The following RELCH variants were observed in gnomAD, a reference collection of about 807,000 sequenced individuals.
The protein encoded by RELCH is RAB11 binding and LisH domain, coiled-coil and HEAT repeat containing.
RELCH carries 41 observed loss-of-function variants against 150.3 expected under a neutral mutation model. That is an observed-to-expected ratio of 0.27 (90% CI 0.21 to 0.35). The LOEUF (loss-of-function observed/expected upper bound fraction) is 0.35. Ranked by LOEUF, RELCH falls within the 10% of genes least tolerant of loss-of-function variation. The pLI, the probability that RELCH is intolerant of heterozygous loss-of-function variation, is 1.00. For missense variants in RELCH, 1,092 were observed against 1,467.8 expected, an observed-to-expected ratio of 0.74 and a Z score of 4.18; for synonymous variants, 478 against 531.8, an observed-to-expected ratio of 0.90 and a Z score of 1.39.
At position 62,290,403 on chromosome 18, in the gene RELCH, C is replaced by T. The variant is rs527558071; in HGVS notation, c.3371-1140C>T. Among the ~76,000 whole-genome samples, 17 of 152,296 alleles carry T rather than the reference C, an allele frequency of 1.1e-4. No individual in the cohort carries two copies. In the South Asian group the frequency reaches 2.9e-3, roughly 26 times the overall value. ...AAAATTAGCTGGATGTGGTGCCGTG[C>T]ACCTGTAATCCCAGCTACTTGGGAG... On this transcript the variant is annotated intron_variant, in intron 26 of 28. Coordinates refer to ENST00000644646, the MANE Select transcript of RELCH (RefSeq NM_001346231.2).
chr18:62,275,536 A>G (rs761586525), intron 22 of RELCH, 63 bp downstream of exon 22: 1 of 1,024,840 alleles, frequency 9.8e-7, no homozygotes, highest in Admixed American at 1.9e-5. Context: ...TGCGAAGAAG[A>G]AGGGAATTTT....
At chr18:62,280,284 A>C in intron 23 of RELCH, 2 of 1,201,528 alleles carry the variant, frequency 1.7e-6, no homozygotes, top group Non-Finnish European at 2.5e-6. Flanking sequence ...CTGCCTGCCC[A>C]TCCTCAGTCA....
chr18:62,282,692 C>G lies in RELCH; in HGVS notation c.3253+248C>G, dbSNP rs540587913. On this transcript the variant is annotated intron_variant, in intron 25 of 28. Transcript: ENST00000644646. ...TTTTGTTTTGAGACAGAGTCTCGCT[C>G]TGTCACCCAAGCTGGAGTGCAATGG... 3.9e-5 allele frequency among the ~76,000 whole-genome samples: 6 copies of G among 152,296 alleles called. No individual in the cohort carries two copies. The East Asian group carries it at 9.7e-4, about 25-fold the overall frequency.
chr18:62,201,614 T>C (rs1198340716), intron 1 of RELCH, among the ~76,000 whole-genome samples: 2 of 152,086 alleles, frequency 1.3e-5, no homozygotes, highest in African/African-American at 4.8e-5. Flanking sequence ...AAGAGAAATA[T>C]GTAGTGAAAA....
At position 62,227,309 on chromosome 18, in the gene RELCH, T is replaced by G. The variant is rs1441679557; in HGVS notation, c.879T>G (p.Asp293Glu). The G allele has an allele frequency of 6.2e-7, 1 of 1,603,084 alleles. No homozygotes were observed. Among genetic ancestry groups the G allele is most frequent in the Non-Finnish European group, 8.5e-7 (1 of 1,170,980 alleles). ...NDDQDFELWD[D>E]VGLNIPKPPD... is the part of the protein sequence containing the mutation. ...TTTAGGATTTTGAATTATGGGATGA[T>G]GTAGGATTAAACATTCCAAAACCTC... is the stretch of plus-strand genomic sequence containing the variant. Residue 293 changes from aspartate to glutamate, a missense_variant, in exon 6 of 29, where the codon GAT (aspartate) becomes GAG (glutamate). This residue lies in a region of RELCH where 190 missense variants were observed against 276.2 expected (regional missense o/e 0.69). Coordinates refer to ENST00000644646, the MANE Select transcript of RELCH (RefSeq NM_001346231.2).
At chr18:62,240,071 G>A (rs1037859060) in intron 10 of RELCH, among the ~76,000 whole-genome samples, 1 of 151,692 alleles carries the variant, frequency 6.6e-6, no homozygotes, top group East Asian at 1.9e-4. Context: ...GTAAAATAAT[G>A]TCACATTATA....
At chr18:62,193,959 T>C (rs547852420) in intron 1 of RELCH, among the ~76,000 whole-genome samples, 1 of 152,238 alleles carries the variant, frequency 6.6e-6, no homozygotes, top group South Asian at 2.1e-4. Context: ...TAATGATGTG[T>C]CTCAGACCAG....
At chr18:62,257,662 G>A (rs1439980956) in intron 13 of RELCH, among the ~76,000 whole-genome samples, 1 of 151,968 alleles carries the variant, frequency 6.6e-6, no homozygotes, top group African/African-American at 2.4e-5. Flanking sequence ...TAAAAAACAT[G>A]CTGAGAGATG....
chr18:62,292,070 T>C (rs948401472), intron 27 of RELCH, among the ~76,000 whole-genome samples: 12 of 152,188 alleles, frequency 7.9e-5, no homozygotes, highest in African/African-American at 2.9e-4. Flanking sequence ...CTTCAACCTA[T>C]TTTTCCATCA....
At chr18:62,250,246 T>C (rs66653808) in intron 11 of RELCH, among the ~76,000 whole-genome samples, 40,648 of 152,108 alleles carry the variant, frequency 0.27, 5,937 homozygotes, top group Middle Eastern at 0.46. Flanking sequence ...AGGGGCCTAA[T>C]GTTTTTTCCT....
intron 28 of RELCH, among the ~76,000 whole-genome samples, chr18:62,303,263 T>C (rs1443420205): frequency 6.6e-6 from 1 of 152,144 alleles, no homozygotes; most frequent in African/African-American, 2.4e-5. Context: ...GGGATCTGCA[T>C]TTTCAGAAGT....
At chr18:62,246,559 G>T (rs1455668070) in intron 11 of RELCH, 1 of 152,156 alleles carries the variant, frequency 6.6e-6, no homozygotes, top group African/African-American at 2.4e-5. Flanking sequence ...GAAAAACACA[G>T]TTAACAGTCA....
chr18:62,257,912 G>A (rs1473257448), intron 13 of RELCH, 36 bp from the exon 14 acceptor site: 5 of 1,512,062 alleles, frequency 3.3e-6, no homozygotes, highest in Non-Finnish European at 3.6e-6. Flanking sequence ...TCTGTGCTTA[G>A]GTGTAAATAA....
intron 1 of RELCH, among the ~76,000 whole-genome samples, chr18:62,198,223 T>C (rs1168803018): frequency 6.6e-6 from 1 of 152,226 alleles, no homozygotes; most frequent in Non-Finnish European, 1.5e-5. Flanking sequence ...CAGGATCAAC[T>C]AAACCTCAAC....
chr18:62,255,333 T>C, intron 12 of RELCH, 74 bp from the exon 13 acceptor site: 1 of 991,304 alleles, frequency 1.0e-6, no homozygotes, highest in South Asian at 1.3e-5. Flanking sequence ...GGATTTGTGG[T>C]GAAATGTAAT....
intron 2 of RELCH, among the ~76,000 whole-genome samples, chr18:62,214,327 A>G (rs1451803629): frequency 1.3e-5 from 2 of 152,182 alleles, no homozygotes; most frequent in South Asian, 2.1e-4. Context: ...CCTATTTCCA[A>G]AAAGATTGTG....
chr18:62,299,696 T>G (rs1280260428), intron 28 of RELCH, among the ~76,000 whole-genome samples: 5 of 149,796 alleles, frequency 3.3e-5, no homozygotes, highest in Non-Finnish European at 7.4e-5. Context: ...TTATTAGTGG[T>G]TTTTTATAGA....
intron 1 of RELCH, among the ~76,000 whole-genome samples, chr18:62,190,374 C>T (rs371489758): frequency 1.3e-5 from 2 of 152,102 alleles, no homozygotes; most frequent in Non-Finnish European, 2.9e-5. Flanking sequence ...GTCAGGATTT[C>T]GAGACCAGCC....
intron 2 of RELCH, among the ~76,000 whole-genome samples, chr18:62,219,985 A>G (rs1415665408): frequency 6.6e-6 from 1 of 152,044 alleles, no homozygotes; most frequent in African/African-American, 2.4e-5. Flanking sequence ...AACTACTGTA[A>G]TTTCTTAATA....
Sources: allele counts gnomAD v4.1 joint callset (sites outside exome capture counted in the v4.1 genomes callset), GRCh38; gene constraint gnomAD v4.1.1; regional missense constraint gnomAD v4.1.1; transcripts MANE v1.5; gene names NCBI Gene and HGNC (gene_info 2026-07-23, HGNC 2026-07-21).